The following IL17RE variants were observed in gnomAD, a reference collection of about 807,000 sequenced individuals.
IL17RE encodes interleukin 17 receptor E.
IL17RE carries 47 observed loss-of-function variants against 70.7 expected under a neutral mutation model. That is an observed-to-expected ratio of 0.67 (90% CI 0.53 to 0.85). IL17RE has a LOEUF of 0.85. Ranked by LOEUF, IL17RE falls within the 40% of genes least tolerant of loss-of-function variation. The probability of loss-of-function intolerance (pLI) is 0.00; values close to 1 mark genes in which losing one functional copy is unlikely to be tolerated. For missense variants in IL17RE, 850 were observed against 893.9 expected (o/e 0.95, Z 0.63); for synonymous variants, 372 against 381.2 (o/e 0.98, Z 0.28).
chr3:9,911,462 T>TA lies in IL17RE; in HGVS notation c.1092_1093insA (p.Val365SerfsTer146). 4.3e-6 allele frequency: 7 copies of TA among 1,614,152 alleles called. No homozygotes were observed. The highest frequency in any genetic ancestry group is 5.9e-6 in the Non-Finnish European group (7 of 1,180,020). The stretch of plus-strand genomic sequence containing the variant: ...AAACAGGGTCTCTCACATCCTGGAA[T>TA]GTAAGCATGGATACCCAAGCCCAGC... On this transcript the variant is annotated frameshift_variant, in exon 12 of 16. Transcript: ENST00000383814. LOFTEE classifies it high-confidence loss of function.
chr3:9,902,253 C>T (rs73811602), upstream of IL17RE, among the ~76,000 whole-genome samples: 5,463 of 152,210 alleles, frequency 0.036, 335 homozygotes, highest in African/African-American at 0.12. Flanking sequence ...CTGAGCAGGG[C>T]GTACTGACTA....
At chr3:9,905,193 T>C (rs766575005) in intron 3 of IL17RE, among the ~76,000 whole-genome samples, 3 of 151,780 alleles carry the variant, frequency 2.0e-5, no homozygotes, top group Non-Finnish European at 1.5e-5. Flanking sequence ...CAGTGGCTTA[T>C]GCCGGTAATC....
At chr3:9,902,521 G>A (rs1033632875), upstream of IL17RE, 2 of 1,040,442 alleles carry the variant, frequency 1.9e-6, no homozygotes, top group African/African-American at 1.6e-5. Context: ...TAAGTGAGGG[G>A]GTGAAGCGCA....
intron 3 of IL17RE, among the ~76,000 whole-genome samples, chr3:9,905,644 C>A (rs2082735684): frequency 6.6e-6 from 1 of 151,858 alleles, no homozygotes; most frequent in Admixed American, 6.6e-5. Flanking sequence ...CATGGTGAAA[C>A]CCCGTCTCTA....
chr3:9,904,202 G>A, intron 3 of IL17RE, 51 bp downstream of exon 3: 1 of 1,603,070 alleles, frequency 6.2e-7, no homozygotes, highest in Non-Finnish European at 8.5e-7. Context: ...ACATTTTGAG[G>A]GACCACCTAG....
intron 4 of IL17RE, 118 bp downstream of exon 4, chr3:9,906,579 A>G: frequency 7.4e-7 from 1 of 1,351,432 alleles, no homozygotes; most frequent in Non-Finnish European, 1.1e-6. Context: ...TATTCTGTCT[A>G]TTACACAGCT....
intron 12 of IL17RE, among the ~76,000 whole-genome samples, chr3:9,912,938 T>C (rs2082926603): frequency 6.6e-6 from 1 of 152,178 alleles, no homozygotes; most frequent in Non-Finnish European, 1.5e-5. Context: ...TAGCAGGCTC[T>C]GGGAGATACA....
At chr3:9,903,911 C>T (rs1559266132) in intron 2 of IL17RE, 121 bp from the exon 3 acceptor site, 1 of 1,229,580 alleles carries the variant, frequency 8.1e-7, no homozygotes, top group East Asian at 2.4e-5. Flanking sequence ...TTAGACAGGT[C>T]CTGTAACCCC....
intron 7 of IL17RE, among the ~76,000 whole-genome samples, chr3:9,908,563 C>T (rs562579006): frequency 4.9e-4 from 75 of 152,326 alleles, no homozygotes; most frequent in Non-Finnish European, 6.8e-4. Flanking sequence ...TGGCCCAGAC[C>T]TGGCCTCAGC....
chr3:9,904,726 G>T (rs1251100689), intron 3 of IL17RE, among the ~76,000 whole-genome samples: 6 of 152,140 alleles, frequency 3.9e-5, no homozygotes, highest in Admixed American at 3.9e-4. Context: ...GGTGGAGGTT[G>T]CAGTGAGCCG....
intron 13 of IL17RE, 39 bp downstream of exon 13, chr3:9,914,063 G>A: frequency 1.3e-6 from 2 of 1,510,594 alleles, no homozygotes; most frequent in Non-Finnish European, 1.8e-6. Flanking sequence ...CAGAGCCTTG[G>A]CATCTGCTCC....
At chr3:9,907,172 A>T in intron 6 of IL17RE, 72 bp downstream of exon 6, 1 of 1,580,912 alleles carries the variant, frequency 6.3e-7, no homozygotes, top group South Asian at 1.1e-5. Flanking sequence ...CATTGTACAA[A>T]TGAGGAAACT....
intron 2 of IL17RE, 140 bp from the exon 3 acceptor site, chr3:9,903,892 A>G: frequency 1.0e-6 from 1 of 998,256 alleles, no homozygotes; most frequent in Non-Finnish European, 1.5e-6. Context: ...TGAATGAGGA[A>G]TCTGATCCTT....
chr3:9,905,094 C>CAAAAAAAAAAAA (rs71626946), intron 3 of IL17RE, among the ~76,000 whole-genome samples: 1 of 56,162 alleles, frequency 1.8e-5, no homozygotes, highest in African/African-American at 7.1e-5. Flanking sequence ...GACCCTGTCT[C>CAAAAAAAAAAAA]AAAAAAAAAA....
In IL17RE at chr3:9,910,963, G is replaced by GC. The variant is rs778634006; in HGVS notation, c.902dup (p.Ala302CysfsTer51). 65 of 1,614,198 alleles carry GC rather than the reference G, an allele frequency of 4.0e-5. No homozygotes were observed. Among genetic ancestry groups the GC allele is most frequent in the Non-Finnish European group, 5.2e-5 (61 of 1,180,034 alleles). ...ACTCCGCTGCCCACTGAAGCTGGAA[G>GC]CTGCCCTCTGCCAGAGGCACGACTG... On this transcript the variant is annotated frameshift_variant, in exon 9 of 16. Coordinates refer to ENST00000383814, the MANE Select transcript of IL17RE (RefSeq NM_153480.2). LOFTEE classifies it high-confidence loss of function.
rs199684866 is a variant in IL17RE, at chr3:9,909,257, G to A, written c.776G>A (p.Cys259Tyr). The A allele has an allele frequency of 1.2e-6, 2 of 1,614,074 alleles. No homozygotes were observed. The highest frequency in any genetic ancestry group is 1.7e-4 in the Middle Eastern group (1 of 6,054). ...LQEDTVRRKK[C>Y]PFQSWPEAYG... is the part of the protein sequence containing the mutation. ...GAGGACACTGTGAGGCGCAAAAAAT[G>A]TCCCTTCCAGAGCTGGCCAGAAGCC... Residue 259 changes from cysteine to tyrosine, a missense_variant, in exon 8 of 16, where the codon TGT becomes TAT. Coordinates refer to ENST00000383814, the MANE Select transcript of IL17RE (RefSeq NM_153480.2).
In IL17RE at chr3:9,914,739, G is replaced by T. The variant is rs1450815582; in HGVS notation, c.1409G>T (p.Gly470Val). ...LALLALLTLL[G>V]VVLALTCRRP... is the part of the protein sequence containing the mutation. ...CTGCTGGCCCTCCTCACCCTACTGG[G>T]TGTTGTTCTGGCCCTCACCTGCCGG... The change falls in exon 15 of 16, where the codon GGT becomes GTT. Residue 470 changes from glycine to valine, a missense_variant. Gly to Val is a moderately radical substitution (Grantham distance 109, BLOSUM62 -3). Coordinates refer to ENST00000383814, the MANE Select transcript of IL17RE (RefSeq NM_153480.2). 2 of 1,614,050 alleles carry T rather than the reference G, an allele frequency of 1.2e-6. No individual in the cohort carries two copies. Among genetic ancestry groups the T allele is most frequent in the Non-Finnish European group, 1.7e-6 (2 of 1,180,020 alleles).
At chr3:9,910,006 T>C (rs1019796591) in intron 8 of IL17RE, 2 of 152,216 alleles carry the variant, frequency 1.3e-5, no homozygotes, top group East Asian at 1.9e-4. Context: ...GATTTCGAGT[T>C]TGGGGAGAAG....
Position 9,904,117 on chromosome 3 carries a change from C to T in IL17RE, c.234C>T (p.Arg78=), listed in dbSNP as rs2082698754. The change falls in exon 3 of 16, where the codon CGC becomes CGT. Residue 78 remains arginine, a synonymous_variant. Coordinates refer to ENST00000383814, the MANE Select transcript of IL17RE (RefSeq NM_153480.2). ...GTGTGCGAGTCTGGCACTGTTCCCG[C>T]TGTTTGTGCCAGCATCTGCTGTCAG... is the stretch of plus-strand genomic sequence containing the variant. ...PWCVRVWHCS[R]CLCQHLLSGG... is the part of the protein sequence containing the mutation. 1.2e-6 allele frequency: 2 copies of T among 1,614,192 alleles called. No homozygotes were observed. Among genetic ancestry groups the T allele is most frequent in the African/African-American group, 1.3e-5 (1 of 75,032 alleles).
Sources: allele counts gnomAD v4.1 joint callset (sites outside exome capture counted in the v4.1 genomes callset), GRCh38; gene constraint gnomAD v4.1.1; transcripts MANE v1.5; gene names NCBI Gene and HGNC (gene_info 2026-07-23, HGNC 2026-07-21).